CTBP2: variants seen among roughly 807,000 people sequenced by gnomAD.
CTBP2 encodes C-terminal-binding protein 2.
CTBP2 carries 30 observed loss-of-function variants against 80.3 expected under a neutral mutation model. That is an observed-to-expected ratio of 0.37 (90% CI 0.28 to 0.51). The LOEUF is 0.51. Ranked by LOEUF, CTBP2 falls within the 20% of genes least tolerant of loss-of-function variation. CTBP2 has a pLI of 0.93. For missense variants in CTBP2, 1,212 were observed against 1,375.3 expected (o/e 0.88, Z 1.88); for synonymous variants, 594 against 587.4 (o/e 1.01, Z -0.16).
chr10:125,132,509 G>A (rs551763894), intron 1 of CTBP2, among the ~76,000 whole-genome samples: 41 of 152,286 alleles, frequency 2.7e-4, no homozygotes, highest in African/African-American at 9.6e-4. Context: ...AGCTGGCGAG[G>A]GGCGGAGTTG....
intron 1 of CTBP2, among the ~76,000 whole-genome samples, chr10:125,128,182 C>T (rs1366530978): frequency 6.6e-6 from 1 of 152,174 alleles, no homozygotes; most frequent in Non-Finnish European, 1.5e-5. Flanking sequence ...TGTCCATCCT[C>T]ACACGGAAGC....
At chr10:125,040,131 A>G (rs1200998326) in intron 2 of CTBP2, among the ~76,000 whole-genome samples, 1 of 152,068 alleles carries the variant, frequency 6.6e-6, no homozygotes, top group Non-Finnish European at 1.5e-5. Flanking sequence ...CTGCTCTGGA[A>G]CTGCATTCTT....
intron 2 of CTBP2, among the ~76,000 whole-genome samples, chr10:125,092,559 C>A (rs1213968175): frequency 6.6e-6 from 1 of 152,158 alleles, no homozygotes; most frequent in Admixed American, 6.5e-5. Context: ...TCTTCCCACC[C>A]GCCACCAGCA....
At chr10:124,997,298 T>C (rs4962716) in intron 4 of CTBP2, 130,617 of 152,342 alleles carry the variant, frequency 0.86, 56,144 homozygotes, top group East Asian at 0.94. Flanking sequence ...TCAGTGGCAA[T>C]GGGCCGAGGT....
chr10:125,117,011 G>A (rs530953220), intron 1 of CTBP2, among the ~76,000 whole-genome samples: 7 of 152,252 alleles, frequency 4.6e-5, no homozygotes, highest in Admixed American at 1.3e-4. Flanking sequence ...TCAGCTGCCC[G>A]CCTCCTTTCC....
In CTBP2 at chr10:124,989,017, G is replaced by GTGTC. The variant is rs1952227415; in HGVS notation, c.*497_*500dup. 1.5e-5 allele frequency: 3 copies of GTGTC among 200,302 alleles called. No individual in the cohort carries two copies. The highest frequency in any genetic ancestry group is 5.4e-5 in the Admixed American group (1 of 18,626). 12.4% of individuals were successfully genotyped at this position (200,302 alleles called of 1,614,324 possible). ...ACTGTCTTCAATCCTATGCGTGCAG[G>GTGTC]TGTCTACCACAGGCAAACAGTTTTC... is the stretch of plus-strand genomic sequence containing the variant. On this transcript the variant is annotated 3_prime_UTR_variant, in exon 9 of 9. Transcript: ENST00000309035.
At chr10:125,044,240 A>G (rs577775435) in intron 2 of CTBP2, among the ~76,000 whole-genome samples, 1 of 152,328 alleles carries the variant, frequency 6.6e-6, no homozygotes, top group East Asian at 1.9e-4. Context: ...CTCATCCAGG[A>G]GCCTGTGCGA....
intron 1 of CTBP2, among the ~76,000 whole-genome samples, chr10:125,148,376 A>G (rs978978175): frequency 1.3e-5 from 2 of 152,212 alleles, no homozygotes; most frequent in South Asian, 2.1e-4. Context: ...AAGGTGGTCC[A>G]TGTGCTGCTG....
intron 1 of CTBP2, among the ~76,000 whole-genome samples, chr10:125,125,811 A>G (rs1855141850): frequency 6.6e-6 from 1 of 152,246 alleles, no homozygotes; most frequent in African/African-American, 2.4e-5. Context: ...GATCTGGGCT[A>G]AGAAAGGGAG....
intron 2 of CTBP2, among the ~76,000 whole-genome samples, chr10:125,079,324 T>A (rs1846822719): frequency 6.6e-6 from 1 of 152,106 alleles, no homozygotes; most frequent in African/African-American, 2.4e-5. Flanking sequence ...CACATGCCAG[T>A]CCACGGTTCC....
chr10:125,035,087 C>A (rs536138521), intron 3 of CTBP2, among the ~76,000 whole-genome samples: 1 of 152,342 alleles, frequency 6.6e-6, no homozygotes, highest in African/African-American at 2.4e-5. Flanking sequence ...GCCCGCGACA[C>A]AGAAGAGACC....
At chr10:125,087,705 G>C (rs575395690) in intron 2 of CTBP2, among the ~76,000 whole-genome samples, 2 of 152,220 alleles carry the variant, frequency 1.3e-5, no homozygotes, top group Non-Finnish European at 2.9e-5. Flanking sequence ...AAGCACAAGA[G>C]GTCTCTGGGA....
chr10:125,053,785 T>C (rs1963312893), intron 2 of CTBP2, among the ~76,000 whole-genome samples: 1 of 152,040 alleles, frequency 6.6e-6, no homozygotes, highest in Non-Finnish European at 1.5e-5. Context: ...AAATGGGAAC[T>C]TCACTTGGAA....
At chr10:125,118,314 G>A (rs572863269) in intron 1 of CTBP2, among the ~76,000 whole-genome samples, 10 of 152,300 alleles carry the variant, frequency 6.6e-5, no homozygotes, top group African/African-American at 1.2e-4. Flanking sequence ...TGCCCCATCC[G>A]AAGTGGCTCC....
At chr10:125,052,252 A>C (rs1481950205) in intron 2 of CTBP2, among the ~76,000 whole-genome samples, 1 of 152,146 alleles carries the variant, frequency 6.6e-6, no homozygotes, top group Non-Finnish European at 1.5e-5. Context: ...AGCCTGCTTT[A>C]TGGGGAGAGG....
At position 124,994,741 on chromosome 10, in the gene CTBP2, C is replaced by CA. The variant is rs1280096787; in HGVS notation, c.2186-59dup. 4.1e-5 allele frequency: 63 copies of CA among 1,542,554 alleles called. No individual in the cohort carries two copies. The African/African-American group carries it at 7.5e-4, about 18-fold the overall frequency. Reference sequence around the variant, plus strand: ...TCCACAGCCCGCGCCCCAGCGCTGCCACCTCCATTGCTTCTGAGCTGAGTC... The same window carrying CA: ...TCCACAGCCCGCGCCCCAGCGCTGCCAACCTCCATTGCTTCTGAGCTGAGTC... On this transcript the variant is annotated intron_variant, in intron 4 of 8. Coordinates refer to ENST00000309035, the MANE Select transcript of CTBP2 (RefSeq NM_022802.3).
At chr10:125,005,771 G>C in intron 1 of CTBP2, 1 of 1,612,912 alleles carries the variant, frequency 6.2e-7, no homozygotes, top group African/African-American at 1.3e-5. Flanking sequence ...TGAGGTCTGA[G>C]CGCACAACCC....
chr10:125,089,476 G>C (rs1848463564), intron 2 of CTBP2, among the ~76,000 whole-genome samples: 1 of 152,172 alleles, frequency 6.6e-6, no homozygotes. Flanking sequence ...AGCTATTAAA[G>C]GACCCTTTTG....
upstream of CTBP2, among the ~76,000 whole-genome samples, chr10:125,030,238 AC>A (rs1244609068): frequency 6.6e-6 from 1 of 152,134 alleles, no homozygotes; most frequent in Non-Finnish European, 1.5e-5. Context: ...GTGAGATGGG[AC>A]CCATTAGAGT....
Sources: gnomAD v4.1 joint callset for allele counts (sites outside exome capture counted in the v4.1 genomes callset) on GRCh38, gnomAD v4.1.1 for gene constraint, MANE v1.5 for transcripts, NCBI Gene and HGNC (gene_info 2026-07-23, HGNC 2026-07-21) for gene names.